Variants in EPHA6 observed in about 807,000 individuals in gnomAD.
EPHA6 encodes EPH receptor A6.
EPHA6 carries 50 observed loss-of-function variants against 112.0 expected under a neutral mutation model. The ratio of observed to expected loss-of-function variants is 0.45; its 90% CI spans 0.36 to 0.56. EPHA6 has a LOEUF of 0.56. Ranked by LOEUF, EPHA6 falls within the 20% of genes least tolerant of loss-of-function variation. The probability of loss-of-function intolerance (pLI) is 0.00; values close to 1 mark genes in which losing one functional copy is unlikely to be tolerated. For missense variants in EPHA6, 1,280 were observed against 1,417.4 expected, an observed-to-expected ratio of 0.90 and a Z score of 1.56; for synonymous variants, 529 against 490.7, an observed-to-expected ratio of 1.08 and a Z score of -1.03.
At chr3:97,740,208 C>T (rs961612734) in intron 16 of EPHA6, among the ~76,000 whole-genome samples, 1 of 152,120 alleles carries the variant, frequency 6.6e-6, no homozygotes, top group Non-Finnish European at 1.5e-5. Context: ...AACCCTCGCC[C>T]CTGATTACTC....
intron 3 of EPHA6, among the ~76,000 whole-genome samples, chr3:97,092,162 C>T (rs1462908012): frequency 6.7e-6 from 1 of 150,088 alleles, no homozygotes; most frequent in Non-Finnish European, 1.5e-5. Context: ...AAAGATAGAA[C>T]GTTTTCCCTG....
Position 97,222,308 on chromosome 3 carries a change from A to G in EPHA6, c.1115-3956A>G, listed in dbSNP as rs111805892. Reference sequence around the variant, plus strand: ...AGAATTCTTTATTTTTAAATGAAATATTATACTAAATGTTAATATTGAAAT... The same window carrying G: ...AGAATTCTTTATTTTTAAATGAAATGTTATACTAAATGTTAATATTGAAAT... On this transcript the variant is annotated intron_variant, in intron 3 of 17. Coordinates refer to ENST00000389672, the MANE Select transcript of EPHA6 (RefSeq NM_001080448.3). Among the ~76,000 whole-genome samples, 341 of 152,302 alleles carry G rather than the reference A, an allele frequency of 2.2e-3. 2 individuals carry two copies. Among genetic ancestry groups the G allele is most frequent in the African/African-American group, 7.6e-3 (315 of 41,582 alleles).
chr3:96,857,776 A>AT (rs2035782593), intron 1 of EPHA6, among the ~76,000 whole-genome samples: 1 of 152,010 alleles, frequency 6.6e-6, no homozygotes, highest in East Asian at 1.9e-4. Flanking sequence ...ACAACACATA[A>AT]TTTTTAGGCA....
intron 1 of EPHA6, among the ~76,000 whole-genome samples, chr3:96,840,658 A>G (rs1576111452): frequency 1.3e-5 from 2 of 152,208 alleles, no homozygotes; most frequent in East Asian, 1.9e-4. Flanking sequence ...GGGTGAAGGT[A>G]CAATTCTGGA....
chr3:97,439,938 C>T (rs548893352), intron 6 of EPHA6, among the ~76,000 whole-genome samples: 2 of 152,188 alleles, frequency 1.3e-5, no homozygotes, highest in Admixed American at 1.3e-4. Context: ...AGTAGGTACA[C>T]CTTATGTTAA....
intron 2 of EPHA6, among the ~76,000 whole-genome samples, chr3:96,963,264 G>T (rs2042010253): frequency 6.6e-6 from 1 of 151,566 alleles, no homozygotes; most frequent in East Asian, 1.9e-4. Flanking sequence ...GTTTTCATTT[G>T]CTCAGCACTA....
chr3:97,331,498 C>T (rs1421128324), intron 5 of EPHA6, among the ~76,000 whole-genome samples: 1 of 152,004 alleles, frequency 6.6e-6, no homozygotes, highest in African/African-American at 2.4e-5. Context: ...TGATAGACCG[C>T]TAGCAAGACT....
At chr3:97,471,436 A>G (rs2091225542) in intron 7 of EPHA6, among the ~76,000 whole-genome samples, 1 of 151,840 alleles carries the variant, frequency 6.6e-6, no homozygotes, top group African/African-American at 2.4e-5. Flanking sequence ...CCCTGTGTCT[A>G]TGTTAGTGCC....
chr3:97,577,586 A>G (rs2093398741), intron 11 of EPHA6, among the ~76,000 whole-genome samples: 1 of 152,118 alleles, frequency 6.6e-6, no homozygotes, highest in Non-Finnish European at 1.5e-5. Context: ...ATCTCCAGGG[A>G]GTTAGAGGCA....
intron 3 of EPHA6, among the ~76,000 whole-genome samples, chr3:97,207,667 G>T (rs2077750125): frequency 6.6e-6 from 1 of 152,112 alleles, no homozygotes; most frequent in African/African-American, 2.4e-5. Context: ...TTTACACATG[G>T]ATGAACATGT....
intron 10 of EPHA6, among the ~76,000 whole-genome samples, chr3:97,502,230 G>T (rs1284770583): frequency 2.8e-5 from 4 of 144,806 alleles, no homozygotes; most frequent in Admixed American, 7.0e-5. Flanking sequence ...GTGCAATGGT[G>T]CAATCTCGGC....
chr3:97,684,941 C>T (rs2032137376), intron 14 of EPHA6, among the ~76,000 whole-genome samples: 3 of 152,288 alleles, frequency 2.0e-5, no homozygotes, highest in Non-Finnish European at 2.9e-5. Context: ...CCTTTGTTGT[C>T]ACCTTTAACG....
In EPHA6 at chr3:97,753,213, T is replaced by C. The variant is rs145188257; in HGVS notation, c.*4512T>C. Among the ~76,000 whole-genome samples the C allele has an allele frequency of 3.2e-3, 486 of 152,296 alleles. 1 individual carries two copies. Among genetic ancestry groups the C allele is most frequent in the African/African-American group, 0.011 (468 of 41,568 alleles). Reference sequence around the variant, plus strand: ...ATCTCCTATATGCACAAAATTTTACTACAAAGATACGTTTGGCTGTGCTGT... The same window carrying C: ...ATCTCCTATATGCACAAAATTTTACCACAAAGATACGTTTGGCTGTGCTGT... On this transcript the variant is annotated 3_prime_UTR_variant, in exon 18 of 18. Transcript: ENST00000389672.
rs535593619 is a variant in EPHA6 at position 97,695,564 on chromosome 3, C to T, written c.2785-24697C>T. On this transcript the variant is annotated intron_variant, in intron 14 of 17. Coordinates refer to ENST00000389672, the MANE Select transcript of EPHA6 (RefSeq NM_001080448.3). Reference sequence around the variant, plus strand: ...CAGGTGACACTTTATTTATTTAAGACGGAGTCTCGCTCTGTCACCAGGCCC... The same window carrying T: ...CAGGTGACACTTTATTTATTTAAGATGGAGTCTCGCTCTGTCACCAGGCCC... Among the ~76,000 whole-genome samples, 11 of 152,116 alleles carry T rather than the reference C, an allele frequency of 7.2e-5. No individual in the cohort carries two copies. In the South Asian group the frequency reaches 8.3e-4, roughly 11 times the overall value.
At chr3:96,997,306 G>GAAT (rs1283552611) in intron 3 of EPHA6, among the ~76,000 whole-genome samples, 1 of 151,940 alleles carries the variant, frequency 6.6e-6, no homozygotes, top group Admixed American at 6.6e-5. Flanking sequence ...TTTATTCCTT[G>GAAT]AATAACTTGT....
chr3:97,098,203 G>A (rs1396271496), intron 3 of EPHA6, among the ~76,000 whole-genome samples: 1 of 151,802 alleles, frequency 6.6e-6, no homozygotes, highest in Non-Finnish European at 1.5e-5. Context: ...AGCAAGTGCT[G>A]GACCCAGGGA....
At chr3:97,351,602 T>C (rs2083817626) in intron 5 of EPHA6, among the ~76,000 whole-genome samples, 1 of 152,198 alleles carries the variant, frequency 6.6e-6, no homozygotes, top group South Asian at 2.1e-4. Flanking sequence ...AAATAACTCA[T>C]AATTTTCAAT....
At chr3:96,973,703 G>A (rs900807257) in intron 2 of EPHA6, among the ~76,000 whole-genome samples, 4 of 150,672 alleles carry the variant, frequency 2.7e-5, no homozygotes, top group African/African-American at 9.7e-5. Context: ...GCATGTACCT[G>A]TAATCCCAGC....
intron 3 of EPHA6, among the ~76,000 whole-genome samples, chr3:97,102,258 T>A (rs189806317): frequency 9.7e-4 from 147 of 152,194 alleles, no homozygotes; most frequent in African/African-American, 3.3e-3. Context: ...TGAAGCAATC[T>A]TGGATTCTCT....
Sources: gnomAD v4.1 joint callset for allele counts (sites outside exome capture counted in the v4.1 genomes callset) on GRCh38, gnomAD v4.1.1 for gene constraint, MANE v1.5 for transcripts, NCBI Gene and HGNC (gene_info 2026-07-23, HGNC 2026-07-21) for gene names.